The following FBXL17 variants were observed in gnomAD, a reference collection of about 807,000 sequenced individuals.
FBXL17 encodes the protein F-box/LRR-repeat protein 17.
In FBXL17, 22 loss-of-function variants were observed where a neutral mutation model predicts 66.2. The ratio of observed to expected loss-of-function variants is 0.33; its 90% CI spans 0.24 to 0.47. The LOEUF is 0.47. FBXL17 is among the 20% of genes least tolerant of loss of function. The pLI is 1.00. For missense variants in FBXL17, 878 were observed against 948.2 expected (o/e 0.93, Z 0.97); for synonymous variants, 474 against 400.5 (o/e 1.18, Z -2.19).
At chr5:107,893,828 A>G (rs1466961998) in intron 7 of FBXL17, among the ~76,000 whole-genome samples, 1 of 152,172 alleles carries the variant, frequency 6.6e-6, no homozygotes, top group Non-Finnish European at 1.5e-5. Flanking sequence ...TGCAGTTTGG[A>G]AAAAGCTGAC....
At chr5:108,028,031 C>G (rs1226722223) in intron 6 of FBXL17, among the ~76,000 whole-genome samples, 1 of 152,056 alleles carries the variant, frequency 6.6e-6, no homozygotes, top group African/African-American at 2.4e-5. Context: ...TTAATACAGA[C>G]AGCAGAAGAG....
chr5:108,198,159 G>T (rs930641761), intron 5 of FBXL17, among the ~76,000 whole-genome samples: 2 of 152,108 alleles, frequency 1.3e-5, no homozygotes, highest in African/African-American at 4.8e-5. Context: ...CTCTGTAGAA[G>T]AGGTTTACTG....
chr5:108,097,238 C>T (rs926408907), intron 6 of FBXL17, among the ~76,000 whole-genome samples: 2 of 152,132 alleles, frequency 1.3e-5, no homozygotes, highest in African/African-American at 2.4e-5. Context: ...ACCCTCCCCA[C>T]GATTGTAAGT....
chr5:108,143,593 T>C (rs1415470466), intron 6 of FBXL17, among the ~76,000 whole-genome samples: 1 of 152,082 alleles, frequency 6.6e-6, no homozygotes, highest in Non-Finnish European at 1.5e-5. Context: ...TTTATGCATA[T>C]GAATATTTAA....
intron 7 of FBXL17, among the ~76,000 whole-genome samples, chr5:107,941,149 C>A (rs1354785273): frequency 6.6e-6 from 1 of 150,528 alleles, no homozygotes; most frequent in Admixed American, 6.6e-5. Flanking sequence ...CTTTTTTCTG[C>A]GATTACATTT....
intron 1 of FBXL17, among the ~76,000 whole-genome samples, chr5:108,380,032 T>C (rs1257905312): frequency 1.3e-5 from 2 of 152,232 alleles, no homozygotes; most frequent in Admixed American, 6.5e-5. Context: ...ACTTTCTGTA[T>C]GTGACCTTGC....
intron 8 of FBXL17, chr5:107,879,887 A>G (rs1748729283): frequency 1.0e-6 from 1 of 985,470 alleles, no homozygotes; most frequent in Non-Finnish European, 1.2e-6. Flanking sequence ...AGCACTGGAT[A>G]CAGACTCCAA....
At chr5:108,076,896 T>C (rs1405706968) in intron 6 of FBXL17, among the ~76,000 whole-genome samples, 1 of 152,176 alleles carries the variant, frequency 6.6e-6, no homozygotes, top group Non-Finnish European at 1.5e-5. Context: ...CATATTCAAA[T>C]ATAAACGAAC....
At chr5:108,275,920 C>T (rs569879089) in intron 4 of FBXL17, among the ~76,000 whole-genome samples, 1 of 152,254 alleles carries the variant, frequency 6.6e-6, no homozygotes, top group African/African-American at 2.4e-5. Context: ...GGAATGTTGG[C>T]AGGAGAGAAT....
intron 6 of FBXL17, among the ~76,000 whole-genome samples, chr5:108,116,093 C>G (rs976407705): frequency 6.6e-6 from 1 of 151,968 alleles, no homozygotes; most frequent in Non-Finnish European, 1.5e-5. Context: ...TGAACAAAAT[C>G]CCCATAGAAA....
intron 4 of FBXL17, among the ~76,000 whole-genome samples, chr5:108,270,459 C>A (rs1757221571): frequency 6.8e-6 from 1 of 148,132 alleles, no homozygotes. Flanking sequence ...ATTTATACAT[C>A]ATATATTTAT....
intron 6 of FBXL17, among the ~76,000 whole-genome samples, chr5:108,097,399 T>C (rs1749412279): frequency 1.3e-5 from 2 of 152,360 alleles, no homozygotes; most frequent in African/African-American, 4.8e-5. Context: ...ACTATGAAAG[T>C]TGGACATAGC....
chr5:107,992,077 TATC>T (rs1441542620), intron 7 of FBXL17, among the ~76,000 whole-genome samples: 2 of 138,698 alleles, frequency 1.4e-5, no homozygotes, highest in Non-Finnish European at 3.1e-5. Context: ...TGCACACACA[TATC>T]ATATTAATTG....
At chr5:108,022,474 TC>T (rs1184721497) in intron 6 of FBXL17, among the ~76,000 whole-genome samples, 1 of 147,956 alleles carries the variant, frequency 6.8e-6, no homozygotes, top group African/African-American at 2.4e-5. Context: ...GACTATAATA[TC>T]CTAAATCATT....
At chr5:108,220,699 C>G (rs1217437620) in intron 5 of FBXL17, among the ~76,000 whole-genome samples, 1 of 152,160 alleles carries the variant, frequency 6.6e-6, no homozygotes, top group East Asian at 1.9e-4. Context: ...TTCACGTTGG[C>G]TTTTGGGTCC....
At chr5:108,359,060 A>C (rs1748182024) in intron 3 of FBXL17, among the ~76,000 whole-genome samples, 1 of 151,784 alleles carries the variant, frequency 6.6e-6, no homozygotes, top group Non-Finnish European at 1.5e-5. Context: ...TATTTCTAGA[A>C]ATTTTTCCAT....
At chr5:108,027,580 T>C (rs1269463108) in intron 6 of FBXL17, among the ~76,000 whole-genome samples, 1 of 152,116 alleles carries the variant, frequency 6.6e-6, no homozygotes, top group African/African-American at 2.4e-5. Context: ...AAAGATATAA[T>C]CAAAAGCCAC....
chr5:108,163,457 G>A (rs569996295), intron 6 of FBXL17, among the ~76,000 whole-genome samples: 10 of 145,680 alleles, frequency 6.9e-5, no homozygotes, highest in Admixed American at 3.5e-4. Context: ...CTGGAGTGCA[G>A]TGGCGCGATC....
chr5:108,174,748 C>CAAAAAA (rs34237156), intron 6 of FBXL17, among the ~76,000 whole-genome samples: 2 of 92,520 alleles, frequency 2.2e-5, no homozygotes, highest in South Asian at 4.3e-4. Flanking sequence ...CACAAAGAAG[C>CAAAAAA]AAAAAAAAAA....
Sources: gnomAD v4.1 joint callset for allele counts (sites outside exome capture counted in the v4.1 genomes callset) on GRCh38, gnomAD v4.1.1 for gene constraint, MANE v1.5 for transcripts, NCBI Gene and HGNC (gene_info 2026-07-23, HGNC 2026-07-21) for gene names.